Variants in TRPC5 observed in about 807,000 individuals in gnomAD.
The protein encoded by TRPC5 is transient receptor potential cation channel subfamily C member 5.
TRPC5 carries 9 observed loss-of-function variants against 56.5 expected under a neutral mutation model. The observed-to-expected ratio is 0.16, with a 90% confidence interval of 0.10 to 0.28. The LOEUF (loss-of-function observed/expected upper bound fraction) is 0.28, where lower values mean the gene tolerates loss of function less well. TRPC5 is among the 10% of genes least tolerant of loss of function. The pLI is 1.00. For synonymous variants in TRPC5, 282 were observed against 278.5 expected, an observed-to-expected ratio of 1.01 and a Z score of -0.13; for missense variants, 469 against 748.9, an observed-to-expected ratio of 0.63 and a Z score of 4.36.
intron 6 of TRPC5, among the ~76,000 whole-genome samples, chrX:111,841,404 T>C (rs1202744730): frequency 8.9e-6 from 1 of 112,012 alleles, no homozygotes; most frequent in Non-Finnish European, 1.9e-5. Context: ...CTGTCTTTGC[T>C]ACTTACCATC....
chrX:111,876,593 T>C (rs1219600502), intron 3 of TRPC5, among the ~76,000 whole-genome samples: 1 of 111,709 alleles, frequency 9.0e-6, no homozygotes, highest in Non-Finnish European at 1.9e-5. Context: ...AGTTAAGACC[T>C]AATGCCCTGA....
At chrX:112,009,243 T>G (rs1928927432) in intron 1 of TRPC5, among the ~76,000 whole-genome samples, 1 of 111,479 alleles carries the variant, frequency 9.0e-6, no homozygotes, top group Admixed American at 9.5e-5. Context: ...GAATCGAGAT[T>G]GCGGGGGCCA....
rs1945838200 is a variant in TRPC5 at position 111,770,669 on chromosome X, A to G, written c.*5644T>C. 9.0e-6 allele frequency among the ~76,000 whole-genome samples: 1 copy of G among 111,417 alleles called. No individual in the cohort carries two copies. Among genetic ancestry groups the G allele is most frequent in the African/African-American group, 3.3e-5 (1 of 30,674 alleles). ...ACACTATCACCATCTAAGTTTCCCA[A>G]TCCCAGCAAAAATCCAAAGCCTCCT... On this transcript the variant is annotated 3_prime_UTR_variant, in exon 11 of 11. Coordinates refer to ENST00000262839, the MANE Select transcript of TRPC5 (RefSeq NM_012471.3).
intron 3 of TRPC5, among the ~76,000 whole-genome samples, chrX:111,910,303 A>C (rs767785849): frequency 1.8e-5 from 2 of 112,173 alleles, no homozygotes; most frequent in Non-Finnish European, 3.8e-5. Context: ...TGAAACAATA[A>C]TATACATCTT....
chrX:111,966,823 C>T lies in TRPC5; in HGVS notation c.-21-14382G>A, dbSNP rs192218555. On this transcript the variant is annotated intron_variant, in intron 1 of 10. Transcript: ENST00000262839. ...CTCAATAAATTAGGTATTGATGGGA[C>T]GTATCTCAAAATAATAAGAGCTATC... 1.4e-4 allele frequency among the ~76,000 whole-genome samples: 16 copies of T among 112,061 alleles called. No individual in the cohort carries two copies. In the East Asian group the frequency reaches 3.4e-3, roughly 24 times the overall value.
At chrX:111,922,613 T>C (rs1364297403) in intron 2 of TRPC5, among the ~76,000 whole-genome samples, 1 of 112,317 alleles carries the variant, frequency 8.9e-6, no homozygotes. Context: ...GATGTATGTG[T>C]TACTTTGGAG....
intron 3 of TRPC5, chrX:111,902,012 C>A: frequency 8.7e-7 from 1 of 1,155,787 alleles, no homozygotes; most frequent in Non-Finnish European, 1.1e-6. Flanking sequence ...AGATGCACCT[C>A]TTCCCGAGGA....
chrX:112,014,955 G>C (rs1439714707), intron 1 of TRPC5, among the ~76,000 whole-genome samples: 1 of 111,145 alleles, frequency 9.0e-6, no homozygotes, highest in African/African-American at 3.3e-5. Flanking sequence ...GAGCTCTCCA[G>C]ATGATTCTAG....
chrX:111,864,743 G>C (rs1319874764), intron 3 of TRPC5, among the ~76,000 whole-genome samples: 4 of 112,156 alleles, frequency 3.6e-5, no homozygotes, highest in African/African-American at 1.3e-4. Context: ...ATGCTCCTCT[G>C]ATCGTTGTAA....
intron 1 of TRPC5, among the ~76,000 whole-genome samples, chrX:111,996,294 T>C (rs1415859371): frequency 8.9e-6 from 1 of 112,223 alleles, no homozygotes; most frequent in Non-Finnish European, 1.9e-5. Context: ...TTGTGTGGTT[T>C]TGAGTGAGTT....
chrX:111,820,438 G>A (rs752213742), intron 7 of TRPC5, among the ~76,000 whole-genome samples: 13 of 111,832 alleles, frequency 1.2e-4, no homozygotes, highest in African/African-American at 3.9e-4. Flanking sequence ...GTTTTGTATT[G>A]CCCATGAGCT....
In TRPC5 at chrX:111,980,759, A is replaced by G. The variant is rs1419333702; in HGVS notation, c.-21-28318T>C. On this transcript the variant is annotated intron_variant, in intron 1 of 10. Transcript: ENST00000262839. ...ATTCAATAGGCTATATGGAATTTAC[A>G]ATAGAGTATTGTATATTTCATTATT... Among the ~76,000 whole-genome samples, 3 of 109,648 alleles carry G rather than the reference A, an allele frequency of 2.7e-5. No individual in the cohort carries two copies. The East Asian group carries it at 8.5e-4, about 31-fold the overall frequency.
At chrX:111,777,457 C>G (rs2148547249) in intron 10 of TRPC5, among the ~76,000 whole-genome samples, 1 of 110,082 alleles carries the variant, frequency 9.1e-6, no homozygotes, top group Admixed American at 9.9e-5. Context: ...CTGTTCAAAC[C>G]TCTATGAAAT....
rs1187388587 is a variant in TRPC5 at position 111,776,925 on chromosome X, A to G, written c.2310T>C (p.Phe770=). ...LLGNRKHPRS[F]STSSTELSQR... is the part of the protein sequence containing the mutation. ...GAGACAGTTCAGTGCTGCTAGTGGA[A>G]AAGCTCCTTGGATGTTTTCTATTTC... Residue 770 remains phenylalanine (F), a synonymous_variant, in exon 11 of 11, where the codon TTT becomes TTC. Coordinates refer to ENST00000262839, the MANE Select transcript of TRPC5 (RefSeq NM_012471.3). 1 of 1,195,524 alleles carries G rather than the reference A, an allele frequency of 8.4e-7. No individual in the cohort carries two copies. The highest frequency in any genetic ancestry group is 2.3e-5 in the Admixed American group (1 of 43,726).
intron 1 of TRPC5, among the ~76,000 whole-genome samples, chrX:111,963,172 T>C (rs959743319): frequency 1.1e-4 from 12 of 111,860 alleles, no homozygotes; most frequent in Non-Finnish European, 2.1e-4. Context: ...CACCAGGAGA[T>C]TATATCCCGC....
chrX:111,994,380 A>G lies in TRPC5; in HGVS notation c.-21-41939T>C, dbSNP rs776977961. On this transcript the variant is annotated intron_variant, in intron 1 of 10. Transcript: ENST00000262839. ...CTTTTGGCTTAGGATTGTCTTGGCA[A>G]TGCGGGCTCTTTTTTGGTTCCATAT... 2.4e-4 allele frequency among the ~76,000 whole-genome samples: 27 copies of G among 111,735 alleles called. 1 individual carries two copies. In the East Asian group the frequency reaches 7.6e-3, roughly 31 times the overall value.
At chrX:111,873,533 A>T (rs7878988) in intron 3 of TRPC5, among the ~76,000 whole-genome samples, 14,237 of 110,945 alleles carry the variant, frequency 0.13, 2,185 homozygotes, top group African/African-American at 0.43. Context: ...CTGTAATCCC[A>T]GCACTTTGGG....
intron 1 of TRPC5, among the ~76,000 whole-genome samples, chrX:111,996,440 C>G (rs1928535402): frequency 8.9e-6 from 1 of 111,881 alleles, no homozygotes; most frequent in Non-Finnish European, 1.9e-5. Flanking sequence ...CGATGTGGTG[C>G]TGAGAAGAAT....
chrX:111,968,990 TA>T (rs1328887157), intron 1 of TRPC5, among the ~76,000 whole-genome samples: 2 of 81,784 alleles, frequency 2.4e-5, no homozygotes, highest in Non-Finnish European at 4.4e-5. Context: ...TAAAATAAAA[TA>T]AAATAAAATA....
Sources: allele counts gnomAD v4.1 joint callset (sites outside exome capture counted in the v4.1 genomes callset), GRCh38; gene constraint gnomAD v4.1.1; transcripts MANE v1.5; gene names NCBI Gene and HGNC (gene_info 2026-07-23, HGNC 2026-07-21).